Variants in KAT14 observed in about 807,000 individuals in gnomAD.
The protein encoded by KAT14 is lysine acetyltransferase 14.
KAT14 carries 66 observed loss-of-function variants against 78.4 expected under a neutral mutation model. That is an observed-to-expected ratio of 0.84 (90% CI 0.69 to 1.03). The LOEUF (loss-of-function observed/expected upper bound fraction) is 1.03, where lower values mean the gene tolerates loss of function less well. KAT14 is among the 50% of genes least tolerant of loss of function. The pLI, the probability that KAT14 is intolerant of heterozygous loss-of-function variation, is 0.00. For synonymous variants in KAT14, 344 were observed against 359.4 expected (o/e 0.96, Z 0.48); for missense variants, 870 against 972.5 (o/e 0.89, Z 1.40).
Position 18,187,504 on chromosome 20 carries a change from G to T in KAT14, c.*45G>T. The T allele has an allele frequency of 6.2e-7, 1 of 1,608,446 alleles. No homozygotes were observed. Among genetic ancestry groups the T allele is most frequent in the South Asian group, 1.1e-5 (1 of 89,544 alleles). On this transcript the variant is annotated 3_prime_UTR_variant, in exon 11 of 11. Transcript: ENST00000688188. ...GAAACGCATGTGCTATTGGAGAACA[G>T]GTCTTTGTGGAGATCTAAAGGCAGT...
intron 7 of KAT14, 28 bp from the exon 8 acceptor site, chr20:18,181,682 C>G: frequency 6.2e-7 from 1 of 1,613,700 alleles, no homozygotes; most frequent in East Asian, 2.2e-5. Flanking sequence ...GTAATTATTT[C>G]TATATAACCA....
chr20:18,141,928 T>C (rs539878270), intron 1 of KAT14, among the ~76,000 whole-genome samples: 2 of 152,270 alleles, frequency 1.3e-5, no homozygotes, highest in Admixed American at 1.3e-4. Context: ...GCCAGTTTTT[T>C]TTTTCTGTTA....
At chr20:18,150,989 A>G (rs1261136697) in intron 4 of KAT14, 47 bp downstream of exon 4, 1 of 1,603,292 alleles carries the variant, frequency 6.2e-7, no homozygotes, top group Non-Finnish European at 8.5e-7. Context: ...TATGTAAAGA[A>G]TGAAGTATAC....
chr20:18,149,743 C>T (rs1180897921), intron 3 of KAT14, among the ~76,000 whole-genome samples: 3 of 151,968 alleles, frequency 2.0e-5, no homozygotes, highest in Non-Finnish European at 2.9e-5. Flanking sequence ...GAGGCTGAGG[C>T]GGGCAGGTCA....
intron 7 of KAT14, among the ~76,000 whole-genome samples, chr20:18,168,405 A>G (rs1032410716): frequency 1.2e-4 from 19 of 152,100 alleles, no homozygotes; most frequent in Non-Finnish European, 2.5e-4. Context: ...GCGCATGCCT[A>G]TAATCCCAGC....
At chr20:18,155,811 G>A (rs558467564) in intron 4 of KAT14, among the ~76,000 whole-genome samples, 15 of 152,266 alleles carry the variant, frequency 9.9e-5, no homozygotes, top group African/African-American at 3.1e-4. Context: ...TTGTACAATC[G>A]TTGTGGAAAA....
chr20:18,161,767 G>A (rs1028087307), intron 5 of KAT14, 56 bp from the exon 6 acceptor site: 109 of 1,552,138 alleles, frequency 7.0e-5, no homozygotes, highest in Non-Finnish European at 2.2e-5. Flanking sequence ...AAACATGCTT[G>A]TGCCCAAGCA....
chr20:18,183,282 G>C lies in KAT14; in HGVS notation c.1965G>C (p.Gln655His). 6.2e-7 allele frequency: 1 copy of C among 1,613,686 alleles called. No individual in the cohort carries two copies. Among genetic ancestry groups the C allele is most frequent in the African/African-American group, 1.3e-5 (1 of 74,986 alleles). ...NHIPTINSMC[Q>H]EFFWPGIDLS... ...TCCCAACGATCAACTCCATGTGTCA[G>C]GAGTTTTTTTGGCCTGGTATGTTCC... is the stretch of plus-strand genomic sequence containing the variant. The change falls in exon 9 of 11, where the codon CAG (glutamine) becomes CAC (histidine). Residue 655 changes from glutamine to histidine, a missense_variant. Physicochemically the swap from Gln to His is conservative, Grantham distance 24 (BLOSUM62 0). Coordinates refer to ENST00000688188, the MANE Select transcript of KAT14 (RefSeq NM_001392073.1).
At chr20:18,141,047 A>ATTTTTTAT (rs59461611) in intron 1 of KAT14, among the ~76,000 whole-genome samples, 1 of 92,842 alleles carries the variant, frequency 1.1e-5, no homozygotes, top group Non-Finnish European at 1.9e-5. Flanking sequence ...TTTTTTTTTT[A>ATTTTTTAT]TTTTTATTTT....
rs564500523 is a variant in KAT14, at chr20:18,183,050, T to G, written c.1806-73T>G. ...TTTCAAGCAGATCAAAGAGTTTATA[T>G]GAGTCAAAAAGCTAGGAATAATACC... On this transcript the variant is annotated intron_variant, in intron 8 of 10. Transcript: ENST00000688188. 383 of 1,532,068 alleles carry G rather than the reference T, an allele frequency of 2.5e-4. 7 individuals carry two copies. The South Asian group carries it at 4.8e-3, about 19-fold the overall frequency. 94.9% of individuals were successfully genotyped at this position (1,532,068 alleles called of 1,614,324 possible). A position where few individuals can be genotyped will look rare whatever the true frequency, so the allele number is the denominator to read the frequency against.
At chr20:18,138,856 A>G (rs948671125) in intron 1 of KAT14, among the ~76,000 whole-genome samples, 2 of 152,216 alleles carry the variant, frequency 1.3e-5, no homozygotes, top group Non-Finnish European at 2.9e-5. Flanking sequence ...CCTTGGGAAT[A>G]CAAAGATAAG....
intron 7 of KAT14, among the ~76,000 whole-genome samples, chr20:18,164,869 G>T (rs575414440): frequency 6.6e-6 from 1 of 151,844 alleles, no homozygotes; most frequent in South Asian, 2.1e-4. Flanking sequence ...TCGAGTGATC[G>T]CCTCAGCCTC....
chr20:18,161,316 A>G (rs572047149), intron 5 of KAT14, among the ~76,000 whole-genome samples: 84 of 152,168 alleles, frequency 5.5e-4, no homozygotes, highest in African/African-American at 2.0e-3. Context: ...CAGCCTCCCA[A>G]AGTTCTGGGA....
intron 7 of KAT14, among the ~76,000 whole-genome samples, chr20:18,168,906 C>A (rs2038752362): frequency 6.6e-6 from 1 of 151,962 alleles, no homozygotes; most frequent in African/African-American, 2.4e-5. Flanking sequence ...TTCTTCTATT[C>A]CTTTCTGTCT....
At chr20:18,160,093 G>T (rs913136559) in intron 5 of KAT14, among the ~76,000 whole-genome samples, 1 of 152,140 alleles carries the variant, frequency 6.6e-6, no homozygotes, top group African/African-American at 2.4e-5. Flanking sequence ...TACAGACGGG[G>T]TTTTGCCATG....
intron 4 of KAT14, among the ~76,000 whole-genome samples, chr20:18,157,673 C>G (rs944907460): frequency 2.0e-4 from 30 of 152,152 alleles, no homozygotes; most frequent in Admixed American, 1.2e-3. Flanking sequence ...TTTGACTACT[C>G]TAAATACTTC....
intron 7 of KAT14, among the ~76,000 whole-genome samples, chr20:18,163,747 G>A (rs1346658821): frequency 6.6e-6 from 1 of 152,076 alleles, no homozygotes; most frequent in Non-Finnish European, 1.5e-5. Context: ...CGTATGTAGG[G>A]CTTATGTCTT....
At chr20:18,181,603 T>C in intron 7 of KAT14, 107 bp from the exon 8 acceptor site, 2 of 1,504,870 alleles carry the variant, frequency 1.3e-6, no homozygotes, top group African/African-American at 2.8e-5. Context: ...TCTTGTGACC[T>C]TGTGATCCGC....
At chr20:18,185,096 TTAG>T (rs1289978427) in intron 10 of KAT14, among the ~76,000 whole-genome samples, 2 of 152,240 alleles carry the variant, frequency 1.3e-5, no homozygotes, top group African/African-American at 4.8e-5. Context: ...ACTATTCATA[TTAG>T]TAGTAGCTAC....
Sources: gnomAD v4.1 joint callset for allele counts (sites outside exome capture counted in the v4.1 genomes callset) on GRCh38, gnomAD v4.1.1 for gene constraint, MANE v1.5 for transcripts, NCBI Gene and HGNC (gene_info 2026-07-23, HGNC 2026-07-21) for gene names.